The following THOC5 variants were observed in gnomAD, a reference collection of about 807,000 sequenced individuals.
The protein encoded by THOC5 is Fms-interacting protein.
THOC5 carries 43 observed loss-of-function variants against 92.9 expected under a neutral mutation model. The ratio of observed to expected loss-of-function variants is 0.46; its 90% CI spans 0.36 to 0.60. The LOEUF is 0.60. THOC5 is among the 20% of genes least tolerant of loss of function. The probability of loss-of-function intolerance (pLI) is 0.00; values close to 1 mark genes in which losing one functional copy is unlikely to be tolerated. For missense variants in THOC5, 659 were observed against 849.4 expected (o/e 0.78, Z 2.79); for synonymous variants, 296 against 320.1 (o/e 0.92, Z 0.80).
intron 7 of THOC5, chr22:29,535,258 C>T (rs1212010748): frequency 2.8e-5 from 3 of 107,938 alleles, no homozygotes; most frequent in African/African-American, 1.1e-4. Flanking sequence ...GCAACTCTGT[C>T]TCCAAAAAAA....
At chr22:29,531,552 C>T in intron 8 of THOC5, 1 of 1,161,594 alleles carries the variant, frequency 8.6e-7, no homozygotes, top group Non-Finnish European at 1.1e-6. Context: ...ACCTGGGAGC[C>T]CAGACAGGCT....
chr22:29,519,036 G>T lies in THOC5; in HGVS notation c.1459C>A (p.Leu487Met), dbSNP rs957238717. Residue 487 changes from leucine (L) to methionine (M), a missense_variant, in exon 15 of 20, where the codon CTG (leucine) becomes ATG (methionine). Coordinates refer to ENST00000490103, the MANE Select transcript of THOC5 (RefSeq NM_003678.5). Reference sequence around the variant, plus strand: ...GATGCAAACTGTTTGTGGAGGGCCAGGCGGGACTGCACCCTGGTCTTCAGA... The same window carrying T: ...GATGCAAACTGTTTGTGGAGGGCCATGCGGGACTGCACCCTGGTCTTCAGA... ...KLLKTRVQSR[L>M]ALHKQFASLE... The T allele has an allele frequency of 6.2e-7, 1 of 1,609,482 alleles. No individual in the cohort carries two copies. Among genetic ancestry groups the T allele is most frequent in the Non-Finnish European group, 8.5e-7 (1 of 1,177,844 alleles).
intron 19 of THOC5, 147 bp from the exon 20 acceptor site, chr22:29,508,667 T>G: frequency 1.4e-6 from 1 of 713,482 alleles, no homozygotes; most frequent in Admixed American, 2.7e-5. Context: ...GAACAACATA[T>G]AAGGTGCGAT....
intron 7 of THOC5, among the ~76,000 whole-genome samples, chr22:29,533,718 T>G (rs2063699986): frequency 6.6e-6 from 1 of 152,202 alleles, no homozygotes; most frequent in Non-Finnish European, 1.5e-5. Context: ...CACAAGAGGT[T>G]ATCCAAAAGG....
intron 8 of THOC5, among the ~76,000 whole-genome samples, chr22:29,530,657 G>C (rs1175819713): frequency 6.6e-6 from 1 of 152,132 alleles, no homozygotes; most frequent in African/African-American, 2.4e-5. Context: ...TTCAAGACCA[G>C]GTCTGTTCAA....
intron 16 of THOC5, 46 bp from the exon 17 acceptor site, chr22:29,517,162 G>A: frequency 6.2e-7 from 1 of 1,610,624 alleles, no homozygotes; most frequent in Non-Finnish European, 8.5e-7. Context: ...GGCTCCTCTG[G>A]TTAAACCCCC....
intron 7 of THOC5, chr22:29,536,367 G>A (rs2063760148): frequency 2.3e-6 from 1 of 444,436 alleles, no homozygotes. Flanking sequence ...AATTTACACA[G>A]TCTGAGAAAG....
chr22:29,547,768 T>G (rs1742439485), intron 2 of THOC5, among the ~76,000 whole-genome samples: 1 of 152,242 alleles, frequency 6.6e-6, no homozygotes, highest in African/African-American at 2.4e-5. Flanking sequence ...TTCCAACCTC[T>G]GCCTGTTACC....
At chr22:29,523,448 A>C (rs1196806369) in intron 12 of THOC5, among the ~76,000 whole-genome samples, 1 of 152,084 alleles carries the variant, frequency 6.6e-6, no homozygotes, top group Non-Finnish European at 1.5e-5. Context: ...CCCCACCACC[A>C]CAAAAAAATT....
intron 12 of THOC5, among the ~76,000 whole-genome samples, chr22:29,524,377 C>T (rs2063502523): frequency 6.6e-6 from 1 of 152,154 alleles, no homozygotes; most frequent in South Asian, 2.1e-4. Flanking sequence ...TTCACAAGCA[C>T]CCTGGGAGGG....
chr22:29,529,088 T>TTC, intron 9 of THOC5, 74 bp downstream of exon 9: 1 of 1,449,150 alleles, frequency 6.9e-7, no homozygotes, highest in South Asian at 1.1e-5. Context: ...GTCCAGCTAG[T>TTC]TCTCCAAAGA....
chr22:29,518,136 CA>C (rs2063368193), intron 15 of THOC5, among the ~76,000 whole-genome samples: 1 of 152,204 alleles, frequency 6.6e-6, no homozygotes, highest in African/African-American at 2.4e-5. Flanking sequence ...CAGGTTCAAG[CA>C]ATTCTCCTGC....
At chr22:29,534,739 G>A (rs2063722901) in intron 7 of THOC5, 1 of 151,746 alleles carries the variant, frequency 6.6e-6, no homozygotes, top group Non-Finnish European at 1.5e-5. Flanking sequence ...CAGATCACAA[G>A]GTCAGGAGAT....
At chr22:29,517,550 C>T (rs2063357544) in intron 15 of THOC5, among the ~76,000 whole-genome samples, 184 bp from the exon 16 acceptor site, 1 of 152,240 alleles carries the variant, frequency 6.6e-6, no homozygotes, top group Non-Finnish European at 1.5e-5. Context: ...ACCTGACCTT[C>T]ACCCAGTGCT....
chr22:29,534,129 G>C (rs183064976), intron 7 of THOC5, among the ~76,000 whole-genome samples: 2 of 152,246 alleles, frequency 1.3e-5, no homozygotes, highest in African/African-American at 4.8e-5. Context: ...ACTCACAATA[G>C]CACAGATGAA....
chr22:29,539,288 T>G (rs753380190), intron 6 of THOC5, 42 bp downstream of exon 6: 8 of 1,600,834 alleles, frequency 5.0e-6, no homozygotes, highest in Non-Finnish European at 6.0e-6. Context: ...GACAAAGCAC[T>G]GACACTTTGT....
chr22:29,552,797 GA>G (rs1164506904), intron 1 of THOC5, among the ~76,000 whole-genome samples: 11 of 152,192 alleles, frequency 7.2e-5, no homozygotes, highest in African/African-American at 2.4e-4. Flanking sequence ...GTCTAGTAGA[GA>G]GGGGGGAAAT....
rs1336627920 is a variant in THOC5 at position 29,517,385 on chromosome 22, G to C, written c.1490-19C>G. On this transcript the variant is annotated intron_variant, in intron 15 of 19. Transcript: ENST00000490103. ...CCATGTTCTAAAAGAGAACAAGACA[G>C]ATGACGTCACAGGTAGAAATCAGGT... The C allele has an allele frequency of 6.2e-7, 1 of 1,608,460 alleles. No individual in the cohort carries two copies. Among genetic ancestry groups the C allele is most frequent in the South Asian group, 1.1e-5 (1 of 90,356 alleles).
At chr22:29,536,488 T>C in intron 7 of THOC5, 136 bp downstream of exon 7, 2 of 614,278 alleles carry the variant, frequency 3.3e-6, no homozygotes, top group South Asian at 2.0e-5. Context: ...ACCAACTGGG[T>C]AGGGATGCAG....
Sources: allele counts gnomAD v4.1 joint callset (sites outside exome capture counted in the v4.1 genomes callset), GRCh38; gene constraint gnomAD v4.1.1; transcripts MANE v1.5; gene names NCBI Gene and HGNC (gene_info 2026-07-23, HGNC 2026-07-21).